The following CNTNAP2 variants were observed in gnomAD, a reference collection of about 807,000 sequenced individuals.
CNTNAP2 encodes contactin-associated protein-like 2.
Under a neutral mutation model 155.2 loss-of-function variants are expected in CNTNAP2, and 98 were observed. The ratio of observed to expected loss-of-function variants is 0.63; its 90% CI spans 0.54 to 0.75. The LOEUF (loss-of-function observed/expected upper bound fraction) is 0.75, where lower values mean the gene tolerates loss of function less well. CNTNAP2 is among the 30% of genes least tolerant of loss of function. CNTNAP2 has a pLI of 0.00. For synonymous variants in CNTNAP2, 651 were observed against 631.2 expected, an observed-to-expected ratio of 1.03 and a Z score of -0.47; for missense variants, 1,727 against 1,688.1, an observed-to-expected ratio of 1.02 and a Z score of -0.40.
chr7:146,826,832 A>ATG (rs1803409871), intron 2 of CNTNAP2, among the ~76,000 whole-genome samples: 1 of 140,472 alleles, frequency 7.1e-6, no homozygotes, highest in Admixed American at 6.9e-5. Context: ...ATGAATGAAT[A>ATG]TATGTATATA....
intron 3 of CNTNAP2, among the ~76,000 whole-genome samples, chr7:147,043,395 A>G (rs1799296464): frequency 6.6e-6 from 1 of 152,226 alleles, no homozygotes; most frequent in African/African-American, 2.4e-5. Flanking sequence ...TGATCCATTG[A>G]ACAAATTCTC....
chr7:146,720,978 C>CTGTATA (rs1801282366), intron 1 of CNTNAP2, among the ~76,000 whole-genome samples: 1 of 121,944 alleles, frequency 8.2e-6, no homozygotes, highest in South Asian at 2.4e-4. Flanking sequence ...TATATATAGA[C>CTGTATA]TATATATACT....
chr7:146,218,261 G>A (rs1381357126), intron 1 of CNTNAP2, among the ~76,000 whole-genome samples: 1 of 152,184 alleles, frequency 6.6e-6, no homozygotes, highest in African/African-American at 2.4e-5. Context: ...TGTAATCCCA[G>A]CACTTTGGGA....
chr7:147,049,432 A>G (rs764143308), intron 4 of CNTNAP2, among the ~76,000 whole-genome samples: 1 of 152,236 alleles, frequency 6.6e-6, no homozygotes, highest in Non-Finnish European at 1.5e-5. Context: ...AGTTCAAACT[A>G]GAATGAGTCC....
intron 13 of CNTNAP2, among the ~76,000 whole-genome samples, chr7:147,839,267 C>T (rs1001228064): frequency 1.3e-5 from 2 of 152,168 alleles, no homozygotes; most frequent in Admixed American, 6.5e-5. Flanking sequence ...AGCACCCTCA[C>T]AGACATACCC....
At chr7:148,228,350 G>A (rs1795894651) in intron 19 of CNTNAP2, among the ~76,000 whole-genome samples, 1 of 152,042 alleles carries the variant, frequency 6.6e-6, no homozygotes. Flanking sequence ...TTGTTGGGAC[G>A]AAGCAAGGAG....
chr7:147,077,127 C>T (rs1023985858), intron 4 of CNTNAP2, among the ~76,000 whole-genome samples: 39 of 152,094 alleles, frequency 2.6e-4, no homozygotes, highest in African/African-American at 9.4e-4. Context: ...AAAGTATTTT[C>T]TCATCCTTAA....
intron 10 of CNTNAP2, among the ~76,000 whole-genome samples, chr7:147,479,242 C>T (rs973951379): frequency 6.6e-6 from 1 of 152,218 alleles, no homozygotes; most frequent in African/African-American, 2.4e-5. Context: ...CTTCCATACA[C>T]GCATAAAACA....
intron 1 of CNTNAP2, chr7:146,208,774 G>T (rs1798990071): frequency 6.6e-6 from 1 of 152,056 alleles, no homozygotes; most frequent in Non-Finnish European, 1.5e-5. Context: ...GCTTGTCATT[G>T]CCCTTGCTGC....
At chr7:146,169,130 T>C (rs559791912) in intron 1 of CNTNAP2, among the ~76,000 whole-genome samples, 1 of 152,362 alleles carries the variant, frequency 6.6e-6, no homozygotes, top group South Asian at 2.1e-4. Context: ...TCTGTTCAAC[T>C]ATTCTATTTA....
At chr7:147,779,394 T>C (rs914295704) in intron 13 of CNTNAP2, among the ~76,000 whole-genome samples, 3 of 152,194 alleles carry the variant, frequency 2.0e-5, no homozygotes, top group African/African-American at 7.2e-5. Context: ...AATTTTCATG[T>C]TGGTCGTAAT....
intron 3 of CNTNAP2, among the ~76,000 whole-genome samples, chr7:146,986,874 G>C (rs1798122885): frequency 6.6e-6 from 1 of 151,836 alleles, no homozygotes; most frequent in Non-Finnish European, 1.5e-5. Context: ...TTTCTAGGCT[G>C]CCACTGTTTT....
chr7:147,715,597 A>G (rs1584916046), intron 13 of CNTNAP2, among the ~76,000 whole-genome samples: 1 of 152,172 alleles, frequency 6.6e-6, no homozygotes, highest in East Asian at 1.9e-4. Flanking sequence ...AGATACTAGT[A>G]CTGTGTGAGA....
chr7:146,821,768 T>G (rs1257581822), intron 2 of CNTNAP2, among the ~76,000 whole-genome samples: 4 of 151,656 alleles, frequency 2.6e-5, no homozygotes, highest in Non-Finnish European at 5.9e-5. Flanking sequence ...AAAACCACAA[T>G]GAGATACCAT....
intron 9 of CNTNAP2, among the ~76,000 whole-genome samples, chr7:147,335,324 C>T (rs771242616): frequency 1.3e-5 from 2 of 152,082 alleles, no homozygotes; most frequent in Non-Finnish European, 2.9e-5. Context: ...CTGTTTTTCT[C>T]ATTTTTGCTG....
chr7:146,960,780 A>ATT, intron 3 of CNTNAP2, among the ~76,000 whole-genome samples: 1 of 151,524 alleles, frequency 6.6e-6, no homozygotes, highest in South Asian at 2.1e-4. Flanking sequence ...TAAATATGGT[A>ATT]TTTTTTTTTC....
chr7:147,813,242 T>C (rs1798209962), intron 13 of CNTNAP2, among the ~76,000 whole-genome samples: 1 of 152,166 alleles, frequency 6.6e-6, no homozygotes. Flanking sequence ...AAAACTACCT[T>C]TATGGAGTAC....
At chr7:147,570,906 T>C (rs937613015) in intron 12 of CNTNAP2, among the ~76,000 whole-genome samples, 5 of 152,230 alleles carry the variant, frequency 3.3e-5, no homozygotes, top group African/African-American at 1.2e-4. Flanking sequence ...ATATGATTGC[T>C]GAAATGAGCA....
intron 13 of CNTNAP2, among the ~76,000 whole-genome samples, chr7:147,692,805 T>G (rs139991190): frequency 4.6e-5 from 7 of 152,206 alleles, no homozygotes; most frequent in Admixed American, 2.0e-4. Flanking sequence ...TGTCTTTTTA[T>G]TCTCTTGACA....
Sources: gnomAD v4.1 joint callset for allele counts (sites outside exome capture counted in the v4.1 genomes callset) on GRCh38, gnomAD v4.1.1 for gene constraint, MANE v1.5 for transcripts, NCBI Gene and HGNC (gene_info 2026-07-23, HGNC 2026-07-21) for gene names.